PTPRD: variants seen among roughly 807,000 people sequenced by gnomAD.
PTPRD encodes receptor-type tyrosine-protein phosphatase delta.
A neutral mutation model predicts 214.5 loss-of-function variants in PTPRD; 34 were observed. The observed-to-expected ratio is 0.16, with a 90% CI of 0.12 to 0.21. The LOEUF is 0.21. Among genes scored for constraint, PTPRD ranks in the 10% least tolerant of loss-of-function variants. PTPRD has a pLI of 1.00. For missense variants in PTPRD, 2,545 were observed against 2,398.7 expected, an observed-to-expected ratio of 1.06 and a Z score of -1.27; for synonymous variants, 1,128 against 845.7, an observed-to-expected ratio of 1.33 and a Z score of -5.79.
intron 7 of PTPRD, among the ~76,000 whole-genome samples, chr9:9,645,909 G>A (rs557271337): frequency 6.6e-6 from 1 of 152,002 alleles, no homozygotes; most frequent in Non-Finnish European, 1.5e-5. Flanking sequence ...ATTATTAATT[G>A]TTGTGGATAC....
chr9:8,841,933 C>T (rs992624996), intron 11 of PTPRD, among the ~76,000 whole-genome samples: 5 of 151,632 alleles, frequency 3.3e-5, no homozygotes, highest in Non-Finnish European at 7.4e-5. Flanking sequence ...ATCAGATGAG[C>T]CCAGGAAGCA....
chr9:10,422,560 C>G (rs2098555266), intron 2 of PTPRD, among the ~76,000 whole-genome samples: 1 of 151,876 alleles, frequency 6.6e-6, no homozygotes, highest in Non-Finnish European at 1.5e-5. Flanking sequence ...ATCTACCCAT[C>G]TGACAAAGGT....
intron 4 of PTPRD, among the ~76,000 whole-genome samples, chr9:9,965,426 G>C (rs746715389): frequency 5.3e-5 from 8 of 152,140 alleles, no homozygotes; most frequent in African/African-American, 7.2e-5. Flanking sequence ...GCAGAAAAGG[G>C]AACATCTCAG....
At chr9:10,057,429 C>T (rs748130029) in intron 3 of PTPRD, among the ~76,000 whole-genome samples, 1 of 152,072 alleles carries the variant, frequency 6.6e-6, no homozygotes, top group Non-Finnish European at 1.5e-5. Flanking sequence ...CTGTTTTGTA[C>T]CAGCATCAGT....
At chr9:8,982,822 T>A (rs554385582) in intron 11 of PTPRD, among the ~76,000 whole-genome samples, 1 of 152,148 alleles carries the variant, frequency 6.6e-6, no homozygotes, top group East Asian at 1.9e-4. Context: ...TCAGAACTGC[T>A]TATATTCAGA....
rs570807231 is a variant in PTPRD at position 10,612,875 on chromosome 9, G to C, written c.-895C>G. On this transcript the variant is annotated 5_prime_UTR_variant, in exon 1 of 46. Coordinates refer to ENST00000381196, the MANE Select transcript of PTPRD (RefSeq NM_002839.4). ...GGCAAGGAGGAGGCGAGGCTCTGTC[G>C]GGGCGAGGCGCTGCCCCCACGCGCT... Among the ~76,000 whole-genome samples, 5 of 152,048 alleles carry C rather than the reference G, an allele frequency of 3.3e-5. No homozygotes were observed. In the South Asian group the frequency reaches 6.2e-4, roughly 19 times the overall value.
At chr9:9,945,245 G>C (rs889650459) in intron 4 of PTPRD, among the ~76,000 whole-genome samples, 1 of 151,880 alleles carries the variant, frequency 6.6e-6, no homozygotes, top group Non-Finnish European at 1.5e-5. Context: ...CTAATAGGGA[G>C]GTAAATAAAC....
intron 11 of PTPRD, among the ~76,000 whole-genome samples, chr9:8,745,559 A>C (rs1350730435): frequency 6.6e-6 from 1 of 152,206 alleles, no homozygotes; most frequent in Admixed American, 6.5e-5. Flanking sequence ...CTATGAGTCA[A>C]AAATTTTCTA....
intron 11 of PTPRD, among the ~76,000 whole-genome samples, chr9:9,016,502 G>T (rs574914893): frequency 6.6e-6 from 1 of 152,160 alleles, no homozygotes; most frequent in African/African-American, 2.4e-5. Context: ...AAACAAACCA[G>T]CCTAGTACTG....
intron 3 of PTPRD, among the ~76,000 whole-genome samples, chr9:10,267,036 A>C (rs1365879366): frequency 1.3e-5 from 2 of 151,644 alleles, no homozygotes; most frequent in African/African-American, 2.4e-5. Context: ...TAAAAACACA[A>C]AAAAAATTAA....
At chr9:9,425,919 A>C (rs1004447829) in intron 8 of PTPRD, among the ~76,000 whole-genome samples, 1 of 152,138 alleles carries the variant, frequency 6.6e-6, no homozygotes, top group African/African-American at 2.4e-5. Flanking sequence ...AAAAAGAAAC[A>C]CTGGGGGAGG....
At chr9:9,865,393 A>C (rs528597623) in intron 5 of PTPRD, among the ~76,000 whole-genome samples, 3 of 152,146 alleles carry the variant, frequency 2.0e-5, no homozygotes, top group Non-Finnish European at 4.4e-5. Flanking sequence ...TTATCATGGG[A>C]GAGGGACTGG....
At chr9:10,239,226 T>C (rs980575036) in intron 3 of PTPRD, among the ~76,000 whole-genome samples, 3 of 151,986 alleles carry the variant, frequency 2.0e-5, no homozygotes, top group Non-Finnish European at 4.4e-5. Context: ...CAAAGTCACA[T>C]TACCTCCATA....
At chr9:9,028,561 CTATT>C (rs983205792) in intron 10 of PTPRD, among the ~76,000 whole-genome samples, 32 of 152,046 alleles carry the variant, frequency 2.1e-4, no homozygotes, top group Admixed American at 5.3e-4. Context: ...TTAATAAAGT[CTATT>C]TATTTAATCC....
chr9:9,147,763 C>G (rs112978011), intron 10 of PTPRD, among the ~76,000 whole-genome samples: 3 of 152,268 alleles, frequency 2.0e-5, no homozygotes, highest in African/African-American at 7.2e-5. Context: ...CCTCCCCCCT[C>G]TCCCTGCTTC....
intron 2 of PTPRD, among the ~76,000 whole-genome samples, chr9:10,518,739 A>C (rs538483341): frequency 2.0e-5 from 3 of 151,978 alleles, no homozygotes; most frequent in Non-Finnish European, 2.9e-5. Flanking sequence ...TTACCGTGTT[A>C]GCCAAGATGG....
At chr9:9,069,020 A>T (rs1001189879) in intron 10 of PTPRD, among the ~76,000 whole-genome samples, 1 of 152,212 alleles carries the variant, frequency 6.6e-6, no homozygotes, top group Non-Finnish European at 1.5e-5. Flanking sequence ...ATATATACAA[A>T]GGAAAATAAA....
chr9:8,612,425 G>C (rs1400586137), intron 14 of PTPRD, among the ~76,000 whole-genome samples: 1 of 152,198 alleles, frequency 6.6e-6, no homozygotes, highest in Non-Finnish European at 1.5e-5. Flanking sequence ...TGAATTAAGT[G>C]GAGGTGTTTG....
At chr9:9,505,537 G>C (rs1459790817) in intron 8 of PTPRD, among the ~76,000 whole-genome samples, 1 of 151,190 alleles carries the variant, frequency 6.6e-6, no homozygotes, top group African/African-American at 2.4e-5. Context: ...ATTATTTGAG[G>C]TACTCAAATA....
Sources: gnomAD v4.1 joint callset for allele counts (sites outside exome capture counted in the v4.1 genomes callset) on GRCh38, gnomAD v4.1.1 for gene constraint, MANE v1.5 for transcripts, NCBI Gene and HGNC (gene_info 2026-07-23, HGNC 2026-07-21) for gene names.